The following SETD1A variants were observed in gnomAD, a reference collection of about 807,000 sequenced individuals.
The protein encoded by SETD1A is histone-lysine N-methyltransferase SETD1A.
SETD1A carries 29 observed loss-of-function variants against 149.9 expected under a neutral mutation model. That is an observed-to-expected ratio of 0.19 (90% CI 0.14 to 0.26). The LOEUF (loss-of-function observed/expected upper bound fraction) is 0.26. Among genes scored for constraint, SETD1A ranks in the 10% least tolerant of loss-of-function variants. SETD1A has a pLI of 1.00. For missense variants in SETD1A, 2,109 were observed against 2,353.1 expected, an observed-to-expected ratio of 0.90 and a Z score of 2.15; for synonymous variants, 1,141 against 968.5, an observed-to-expected ratio of 1.18 and a Z score of -3.31.
At chr16:30,974,481 C>T (rs1030860011) in intron 13 of SETD1A, among the ~76,000 whole-genome samples, 1 of 151,944 alleles carries the variant, frequency 6.6e-6, no homozygotes, top group African/African-American at 2.4e-5. Context: ...TGACCAGAGG[C>T]GAGAAGGGAA....
chr16:30,958,165 G>A (rs11643872), intron 1 of SETD1A: 5 of 110,796 alleles, frequency 4.5e-5, no homozygotes, highest in African/African-American at 1.7e-4. Flanking sequence ...GAGACCTGCT[G>A]GGGGGGGTGC....
intron 12 of SETD1A, among the ~76,000 whole-genome samples, chr16:30,969,961 T>TTTGTTG (rs905156684): frequency 6.6e-6 from 1 of 152,026 alleles, no homozygotes; most frequent in East Asian, 1.9e-4. Context: ...TGTTTTGTTT[T>TTTGTTG]TTGTTGTTGT....
At chr16:30,963,695 A>G in intron 5 of SETD1A, 141 bp downstream of exon 5, 1 of 961,076 alleles carries the variant, frequency 1.0e-6, no homozygotes, top group Non-Finnish European at 1.5e-6. Flanking sequence ...ATGCTTTCAA[A>G]AGACAGGGAA....
Position 30,980,222 on chromosome 16 carries a change from G to T in SETD1A, c.4408+28G>T. On this transcript the variant is annotated intron_variant, in intron 14 of 18. Coordinates refer to ENST00000262519, the MANE Select transcript of SETD1A (RefSeq NM_014712.3). This position sits in a 1 kb window ranked among gnomAD's most constrained non-coding sequence, Gnocchi z 7.7. ...ATCCTGAGTGTGGGCGGCCTTCCCC[G>T]GGCTTGGGTCCTCCCCCGACCCCTC... The T allele has an allele frequency of 1.3e-6, 2 of 1,570,042 alleles. No individual in the cohort carries two copies. The highest frequency in any genetic ancestry group is 1.7e-6 in the Non-Finnish European group (2 of 1,156,356).
intron 1 of SETD1A, 99 bp downstream of exon 1, chr16:30,958,063 C>A: frequency 6.7e-6 from 1 of 150,300 alleles, no homozygotes; most frequent in South Asian, 1.9e-4. Flanking sequence ...CCGCTGCCGC[C>A]GCCTCGCGCC....
intron 10 of SETD1A, among the ~76,000 whole-genome samples, chr16:30,968,822 A>G (rs2056187403): frequency 6.6e-6 from 1 of 151,712 alleles, no homozygotes; most frequent in African/African-American, 2.4e-5. Context: ...ATATATATAT[A>G]TGCCAGGCAC....
intron 3 of SETD1A, among the ~76,000 whole-genome samples, chr16:30,959,749 CTTCT>C (rs201593964): frequency 3.0e-3 from 406 of 136,822 alleles, no homozygotes; most frequent in Middle Eastern, 0.011. Context: ...CATTCTTCTT[CTTCT>C]TTTTTTTTTT....
rs1223468902 is a variant in SETD1A, at chr16:30,961,485, C to T, written c.465C>T (p.Leu155=). The T allele has an allele frequency of 2.5e-6, 4 of 1,614,166 alleles. No homozygotes were observed. Among genetic ancestry groups the T allele is most frequent in the Non-Finnish European group, 3.4e-6 (4 of 1,180,026 alleles). Residue 155 remains leucine (L), a synonymous_variant, in exon 4 of 19, where the codon CTC becomes CTT. Transcript: ENST00000262519. This position sits in a 1 kb window ranked among gnomAD's most constrained non-coding sequence, Gnocchi z 4.0. ...TRGAKETVKN[L]HLTSVMGNII... ...GCGCCAAGGAAACGGTCAAAAACCT[C>T]CACCTTACCTCCGTCATGGGCAACA...
In SETD1A at chr16:30,979,476, G is replaced by A. The variant is rs2056334024; in HGVS notation, c.3690G>A (p.Arg1230=). The change falls in exon 14 of 19, where the codon CGG becomes CGA. Residue 1230 remains arginine, a synonymous_variant. Transcript: ENST00000262519. ...SWPEEVSRGG[R]SRAGGRGRLT... is the part of the protein sequence containing the mutation. ...CCGAGGAGGTGTCCCGAGGAGGCCG[G>A]AGCCGGGCTGGAGGCCGAGGCCGCC... 2 of 1,599,854 alleles carry A rather than the reference G, an allele frequency of 1.3e-6. No individual in the cohort carries two copies. The highest frequency in any genetic ancestry group is 4.5e-5 in the East Asian group (2 of 44,284).
intron 8 of SETD1A, 41 bp downstream of exon 8, chr16:30,966,427 A>C: frequency 6.4e-7 from 1 of 1,554,854 alleles, no homozygotes; most frequent in Non-Finnish European, 8.7e-7. Flanking sequence ...TGGGCTTTGC[A>C]GGAGGAAATG....
chr16:30,980,100 G>A lies in SETD1A; in HGVS notation c.4314G>A (p.Glu1438=). Residue 1438 remains glutamate (E), a synonymous_variant, in exon 14 of 19, where the codon GAG becomes GAA. Coordinates refer to ENST00000262519, the MANE Select transcript of SETD1A (RefSeq NM_014712.3). This position sits in a 1 kb window ranked among gnomAD's most constrained non-coding sequence, Gnocchi z 7.7. ...YDIWNSGLDS[E]DMSYLRLTYE... ...TTTGGAACTCGGGCCTGGACTCAGA[G>A]GACATGAGTTACCTGCGGCTTACGT... 1 of 1,613,282 alleles carries A rather than the reference G, an allele frequency of 6.2e-7. No homozygotes were observed.
chr16:30,965,073 G>C lies in SETD1A; in HGVS notation c.1331G>C (p.Gly444Ala), dbSNP rs758116539. ...PPEPPEPGGG[G>A]GGGGPSPERE... ...GAGCCTCCAGAACCTGGTGGAGGCG[G>C]GGGTGGAGGAGGGCCCAGCCCTGAG... The change falls in exon 7 of 19, where the codon GGG becomes GCG. Residue 444 changes from glycine (G) to alanine (A), a missense_variant. Gly to Ala is a moderately conservative substitution (Grantham distance 60). Coordinates refer to ENST00000262519, the MANE Select transcript of SETD1A (RefSeq NM_014712.3). 2.0e-5 allele frequency: 32 copies of C among 1,611,384 alleles called. No homozygotes were observed. The highest frequency in any genetic ancestry group is 2.5e-5 in the Non-Finnish European group (30 of 1,179,488).
At chr16:30,978,610 G>A (rs2056317436) in intron 13 of SETD1A, among the ~76,000 whole-genome samples, 1 of 152,258 alleles carries the variant, frequency 6.6e-6, no homozygotes, top group Non-Finnish European at 1.5e-5. Flanking sequence ...TGGGGAGGAA[G>A]GCAAGTTTCA....
intron 12 of SETD1A, 71 bp from the exon 13 acceptor site, chr16:30,971,307 T>G: frequency 1.4e-6 from 2 of 1,458,052 alleles, no homozygotes; most frequent in East Asian, 4.6e-5. Context: ...CAGCAGGGAG[T>G]GAGTGAGGAG....
chr16:30,964,756 C>T lies in SETD1A; in HGVS notation c.1014C>T (p.Ser338=), dbSNP rs765028320. 46 of 1,614,062 alleles carry T rather than the reference C, an allele frequency of 2.8e-5. No homozygotes were observed. The highest frequency in any genetic ancestry group is 8.8e-5 in the South Asian group (8 of 91,090). The stretch of plus-strand genomic sequence containing the variant: ...CCACTGCAGCCACTGCCTCATCCTC[C>T]GCCTCTTCCTCCTCATTGTCCTCGT... ...AATTAATASS[S]ASSSSLSSSS... is the part of the protein sequence containing the mutation. The change falls in exon 7 of 19, where the codon TCC becomes TCT. Residue 338 remains serine, a synonymous_variant. Transcript: ENST00000262519.
Position 30,969,961 on chromosome 16 carries a change from TTTG to T in SETD1A, c.3016+293_3016+295del, listed in dbSNP as rs905156684. Among the ~76,000 whole-genome samples the T allele has an allele frequency of 9.0e-3, 1,371 of 152,136 alleles. 25 individuals are homozygous for T. Among genetic ancestry groups the T allele is most frequent in the African/African-American group, 0.03 (1,236 of 41,514 alleles). The stretch of plus-strand genomic sequence containing the variant: ...GCAGAACGCTTTTTTTGTTTTGTTT[TTTG>T]TTGTTGTTGTTGTTGTTGTTTTGAG... On this transcript the variant is annotated intron_variant, in intron 12 of 18. Transcript: ENST00000262519.
chr16:30,959,208 G>C (rs1567348442), intron 3 of SETD1A, 22 bp downstream of exon 3: 1 of 1,465,040 alleles, frequency 6.8e-7, no homozygotes, highest in East Asian at 2.3e-5. Context: ...CTGGGCTCCT[G>C]GTGTGGTAGT....
Position 30,983,242 on chromosome 16 carries a change from G to A in SETD1A, c.4813-393G>A, listed in dbSNP as rs2056404103. 6.6e-6 allele frequency among the ~76,000 whole-genome samples: 1 copy of A among 152,212 alleles called. No individual in the cohort carries two copies. Among genetic ancestry groups the A allele is most frequent in the African/African-American group, 2.4e-5 (1 of 41,450 alleles). On this transcript the variant is annotated intron_variant, in intron 17 of 18. Transcript: ENST00000262519. The surrounding 1 kb of genome is among the most constrained non-coding windows in gnomAD (Gnocchi z 6.8). ...AGCCAACAGGTGCCTGTTTTGGAGA[G>A]AGGTCCAGGGAGGAGAGATGAGCAG...
chr16:30,960,445 G>C (rs1175670549), intron 3 of SETD1A, among the ~76,000 whole-genome samples: 1 of 152,184 alleles, frequency 6.6e-6, no homozygotes, highest in South Asian at 2.1e-4. Context: ...CAGTAAGAAT[G>C]ACACCATCTT....
Sources: allele counts gnomAD v4.1 joint callset (sites outside exome capture counted in the v4.1 genomes callset), GRCh38; gene constraint gnomAD v4.1.1; non-coding constraint Gnocchi (gnomAD v3.1); transcripts MANE v1.5; gene names NCBI Gene and HGNC (gene_info 2026-07-23, HGNC 2026-07-21).